Variants in SMTN observed in about 807,000 individuals in gnomAD.
SMTN encodes the protein smoothelin.
SMTN carries 58 observed loss-of-function variants against 102.0 expected under a neutral mutation model. The ratio of observed to expected loss-of-function variants is 0.57; its 90% confidence interval spans 0.46 to 0.71. The LOEUF is 0.71. Ranked by LOEUF, SMTN falls within the 30% of genes least tolerant of loss-of-function variation. The pLI, the probability that SMTN is intolerant of heterozygous loss-of-function variation, is 0.00. For synonymous variants in SMTN, 478 were observed against 497.9 expected, an observed-to-expected ratio of 0.96 and a Z score of 0.53; for missense variants, 1,185 against 1,241.7, an observed-to-expected ratio of 0.95 and a Z score of 0.69.
chr22:31,073,354 A>T (rs1405710770), intron 1 of SMTN, among the ~76,000 whole-genome samples: 1 of 152,160 alleles, frequency 6.6e-6, no homozygotes, highest in Non-Finnish European at 1.5e-5. Flanking sequence ...CTTTTCCTGG[A>T]CACACAGGAA....
chr22:31,078,733 G>T (rs751198804), upstream of SMTN, among the ~76,000 whole-genome samples: 8 of 152,166 alleles, frequency 5.3e-5, no homozygotes, highest in Non-Finnish European at 7.3e-5. Flanking sequence ...TTAAAAATTA[G>T]CTGGGCGTGG....
chr22:31,090,859 G>T lies in SMTN; in HGVS notation c.917G>T (p.Arg306Leu). ...CQRSLSVLSP[R>L]QPAQNRESTP... ...CGCTCCCTGTCGGTGCTCAGCCCCC[G>T]CCAACCAGCCCAGAACCGAGGTACT... The change falls in exon 9 of 21, where the codon CGC becomes CTC. Residue 306 changes from arginine (R) to leucine (L), a missense_variant. Transcript: ENST00000333137. 1 of 1,613,738 alleles carries T rather than the reference G, an allele frequency of 6.2e-7. No homozygotes were observed. The highest frequency in any genetic ancestry group is 8.5e-7 in the Non-Finnish European group (1 of 1,179,880).
Position 31,091,095 on chromosome 22 carries a change from C to A in SMTN, c.1072C>A (p.Pro358Thr). Residue 358 changes from proline to threonine, a missense_variant, in exon 10 of 21, where the codon CCC becomes ACC. Around this residue, in one of 2 missense-constraint regions of SMTN, gnomAD observed 1,096 missense variants for 1,112.7 expected, o/e 0.98. Coordinates refer to ENST00000333137, the MANE Select transcript of SMTN (RefSeq NM_134269.3). Reference sequence around the variant, plus strand: ...TGGCACACCCCAGGCTGCCCTAAGTCCCCTGACCCCCGCAAGGCTCCTGGG... The same window carrying A: ...TGGCACACCCCAGGCTGCCCTAAGTACCCTGACCCCCGCAAGGCTCCTGGG... ...QDGTPQAALS[P>T]LTPARLLGPS... 1 of 1,614,006 alleles carries A rather than the reference C, an allele frequency of 6.2e-7. No homozygotes were observed. The highest frequency in any genetic ancestry group is 8.5e-7 in the Non-Finnish European group (1 of 1,179,964).
chr22:31,083,640 C>T (rs1255750939), intron 2 of SMTN: 3 of 230,136 alleles, frequency 1.3e-5, no homozygotes, highest in African/African-American at 4.6e-5. Context: ...GGGCAATGCC[C>T]ACCCCTGGAA....
chr22:31,098,892 G>A (rs940382672), intron 17 of SMTN, 52 bp downstream of exon 17: 2 of 1,552,278 alleles, frequency 1.3e-6, no homozygotes, highest in Non-Finnish European at 1.7e-6. Flanking sequence ...GATAGGCAGT[G>A]GGGGGCGGGG....
intron 1 of SMTN, among the ~76,000 whole-genome samples, chr22:31,068,998 C>A (rs1164233457): frequency 1.3e-5 from 2 of 152,190 alleles, no homozygotes; most frequent in African/African-American, 2.4e-5. Flanking sequence ...GGAGAGAAAG[C>A]AGCATGGCCT....
Position 31,089,034 on chromosome 22 carries a change from G to A in SMTN, c.471+65G>A. On this transcript the variant is annotated intron_variant, in intron 6 of 20. Transcript: ENST00000333137. ...TGGATACCGGTAGCACAGAGTGCCT[G>A]AGTGTCTTTGCTAGGCTGGTATTTC... is the stretch of plus-strand genomic sequence containing the variant. The A allele has an allele frequency of 2.3e-6, 3 of 1,330,012 alleles. No individual in the cohort carries two copies. In the South Asian group the frequency reaches 3.6e-5, roughly 16 times the overall value. The allele number at this position is 1,330,012 out of a possible 1,614,324, so 82.4% of individuals were successfully genotyped here. A position where few individuals can be genotyped will look rare whatever the true frequency, so the allele number is the denominator to read the frequency against.
At chr22:31,087,928 GGCA>G (rs2042815766) in intron 2 of SMTN, 34 bp from the exon 3 acceptor site, 1 of 1,544,786 alleles carries the variant, frequency 6.5e-7, no homozygotes, top group Non-Finnish European at 8.8e-7. Context: ...CTCCGCCCCT[GGCA>G]GCCAAAATGA....
intron 2 of SMTN, among the ~76,000 whole-genome samples, chr22:31,084,302 T>G (rs988279404): frequency 1.3e-5 from 2 of 152,224 alleles, no homozygotes; most frequent in African/African-American, 4.8e-5. Flanking sequence ...TTACTTTACC[T>G]AGAAGACAAG....
At chr22:31,100,089 C>T (rs1321492318) in intron 19 of SMTN, among the ~76,000 whole-genome samples, 193 bp downstream of exon 19, 1 of 151,246 alleles carries the variant, frequency 6.6e-6, no homozygotes, top group Non-Finnish European at 1.5e-5. Flanking sequence ...CAGGTGCCCG[C>T]CGGAACGAAG....
At chr22:31,093,968 A>C in intron 11 of SMTN, 1 of 854,588 alleles carries the variant, frequency 1.2e-6, no homozygotes, top group Non-Finnish European at 1.8e-6. Context: ...TCTGAGCCTC[A>C]GTTTATCTAT....
At chr22:31,101,113 G>A (rs1175857341) in intron 20 of SMTN, 64 bp downstream of exon 20, 15 of 1,476,274 alleles carry the variant, frequency 1.0e-5, no homozygotes, top group Non-Finnish European at 1.2e-5. Context: ...AGGCCAGAGA[G>A]GGTCCAGGGA....
intron 1 of SMTN, chr22:31,066,641 T>A (rs1273283100): frequency 6.6e-6 from 1 of 152,232 alleles, no homozygotes; most frequent in African/African-American, 2.4e-5. Flanking sequence ...CCCAAATGGA[T>A]ACTTGTGTCT....
At position 31,095,370 on chromosome 22, in the gene SMTN, G is replaced by C. The variant is rs755594989; in HGVS notation, c.1700G>C (p.Arg567Pro). The C allele has an allele frequency of 1.2e-6, 2 of 1,614,212 alleles. No homozygotes were observed. The highest frequency in any genetic ancestry group is 1.3e-5 in the African/African-American group (1 of 75,058). ...VEAANGAEQT[R>P]VNKAPEGRSP... ...GCGGCCAATGGGGCTGAGCAGACCC[G>C]AGTGAACAAAGCACCAGAAGGGCGG... Residue 567 changes from arginine to proline, a missense_variant, in exon 12 of 21, where the codon CGA becomes CCA. Around this residue, in one of 2 missense-constraint regions of SMTN, gnomAD observed 1,096 missense variants for 1,112.7 expected, o/e 0.98. Coordinates refer to ENST00000333137, the MANE Select transcript of SMTN (RefSeq NM_134269.3). The surrounding 1 kb of genome is among the most constrained non-coding windows in gnomAD (Gnocchi z 4.1).
chr22:31,091,647 C>T, intron 10 of SMTN, 28 bp from the exon 11 acceptor site: 1 of 1,562,456 alleles, frequency 6.4e-7, no homozygotes. Flanking sequence ...ACCTGATCCT[C>T]CTGACAGCCA....
In SMTN at chr22:31,088,730, A is replaced by G; in HGVS notation, c.326A>G (p.Lys109Arg). 6.2e-7 allele frequency: 1 copy of G among 1,613,508 alleles called. No individual in the cohort carries two copies. The highest frequency in any genetic ancestry group is 1.1e-5 in the South Asian group (1 of 90,978). ...AGCGCTGGTGAGTATGAGGAGCGCA[A>G]GCTGATCCGAGCTGCCATCCGCCGT... Reference protein sequence around the residue: ...LRSAGEYEERKLIRAAIRRVR... With the variant: ...LRSAGEYEERRLIRAAIRRVR... The change falls in exon 5 of 21, where the codon AAG becomes AGG. Residue 109 changes from lysine to arginine, a missense_variant. Transcript: ENST00000333137.
upstream of SMTN, among the ~76,000 whole-genome samples, chr22:31,078,782 G>A (rs756881523): frequency 6.6e-6 from 1 of 152,216 alleles, no homozygotes; most frequent in Non-Finnish European, 1.5e-5. Context: ...GGGAGGCTGA[G>A]ATGGAAGGAT....
intron 19 of SMTN, 35 bp from the exon 20 acceptor site, chr22:31,100,850 T>TCC: frequency 1.6e-6 from 1 of 636,332 alleles, no homozygotes; most frequent in Non-Finnish European, 2.6e-6. Context: ...CCTGCCCCCG[T>TCC]CCCCCACCCC....
At position 31,104,614 on chromosome 22, in the gene SMTN, G is replaced by A; in HGVS notation, c.*319G>A. ...CACGCAGCGTTTTGATAAATTATTG[G>A]TTTTCAACGATCCTGACTCCTCTCT... On this transcript the variant is annotated 3_prime_UTR_variant, in exon 21 of 21. Coordinates refer to ENST00000333137, the MANE Select transcript of SMTN (RefSeq NM_134269.3). 1.2e-6 allele frequency: 1 copy of A among 841,452 alleles called. No individual in the cohort carries two copies. Among genetic ancestry groups the A allele is most frequent in the East Asian group, 2.7e-5 (1 of 37,568 alleles). The allele number at this position is 841,452 out of a possible 1,614,324, so 52.1% of individuals were successfully genotyped here.
Sources: gnomAD v4.1 joint callset for allele counts (sites outside exome capture counted in the v4.1 genomes callset) on GRCh38, gnomAD v4.1.1 for gene constraint, gnomAD v4.1.1 regional missense constraint, Gnocchi (gnomAD v3.1) non-coding constraint, MANE v1.5 for transcripts, NCBI Gene and HGNC (gene_info 2026-07-23, HGNC 2026-07-21) for gene names.